LURAP1L: variants seen among roughly 807,000 people sequenced by gnomAD.
LURAP1L encodes leucine rich adaptor protein 1-like.
Under a neutral mutation model 13.8 loss-of-function variants are expected in LURAP1L, and 12 were observed. The observed-to-expected ratio is 0.87, with a 90% CI of 0.56 to 1.41. LURAP1L has a LOEUF of 1.41. LURAP1L is among the 40% of genes most tolerant of loss of function. LURAP1L has a pLI of 0.00. For missense variants in LURAP1L, 375 were observed against 292.9 expected (o/e 1.28, Z -2.04); for synonymous variants, 139 against 119.2 (o/e 1.17, Z -1.08).
At chr9:12,816,599 C>G (rs961953249) in intron 1 of LURAP1L, among the ~76,000 whole-genome samples, 1 of 152,034 alleles carries the variant, frequency 6.6e-6, no homozygotes, top group Non-Finnish European at 1.5e-5. Flanking sequence ...AAATGGCACT[C>G]TAGAAGAAAA....
chr9:12,803,275 A>G (rs1336077806), intron 1 of LURAP1L, among the ~76,000 whole-genome samples: 1 of 152,214 alleles, frequency 6.6e-6, no homozygotes, highest in African/African-American at 2.4e-5. Context: ...GTATCAGAGA[A>G]CCAAGACATT....
At chr9:12,778,481 T>G (rs961613818) in intron 1 of LURAP1L, among the ~76,000 whole-genome samples, 1 of 152,132 alleles carries the variant, frequency 6.6e-6, no homozygotes, top group African/African-American at 2.4e-5. Flanking sequence ...TCAAAAACAG[T>G]AAGGATGCTG....
At position 12,821,530 on chromosome 9, in the gene LURAP1L, T is replaced by A; in HGVS notation, c.457T>A (p.Leu153Met). 1.2e-6 allele frequency: 2 copies of A among 1,614,170 alleles called. No individual in the cohort carries two copies. Among genetic ancestry groups the A allele is most frequent in the African/African-American group, 1.3e-5 (1 of 75,038 alleles). ...CCTCAGTGGCAGCCTGTGCAGTTTG[T>A]TGGAGAGTCAGAGCACCTCCTTACG... ...SSLSGSLCSL[L>M]ESQSTSLRGS... Residue 153 changes from leucine (L) to methionine (M), a missense_variant, in exon 2 of 2, where the codon TTG (leucine) becomes ATG (methionine). Leu to Met is a conservative substitution (Grantham distance 15, BLOSUM62 2). Transcript: ENST00000319264.
intron 1 of LURAP1L, chr9:12,777,527 T>C (rs2118451121): frequency 1.0e-6 from 1 of 981,276 alleles, no homozygotes; most frequent in East Asian, 1.1e-4. Context: ...ATTTTACCCA[T>C]GGAATGTTAA....
intron 1 of LURAP1L, among the ~76,000 whole-genome samples, chr9:12,801,160 A>T (rs555539817): frequency 6.6e-6 from 1 of 152,266 alleles, no homozygotes; most frequent in Admixed American, 6.5e-5. Context: ...TAAGCAGAGA[A>T]TGTGGCCTCT....
At chr9:12,817,877 C>G (rs1025021507) in intron 1 of LURAP1L, among the ~76,000 whole-genome samples, 1 of 152,156 alleles carries the variant, frequency 6.6e-6, no homozygotes, top group Non-Finnish European at 1.5e-5. Context: ...TTGGAGAAAG[C>G]AGAGTGCAGC....
chr9:12,794,464 T>G (rs1296930812), intron 1 of LURAP1L, among the ~76,000 whole-genome samples: 1 of 152,054 alleles, frequency 6.6e-6, no homozygotes, highest in Admixed American at 6.6e-5. Flanking sequence ...AAACAAAACT[T>G]GGAGTTACTC....
intron 1 of LURAP1L, among the ~76,000 whole-genome samples, chr9:12,795,004 G>T (rs759099292): frequency 2.6e-5 from 4 of 151,910 alleles, no homozygotes; most frequent in Non-Finnish European, 5.9e-5. Flanking sequence ...TTTAATCTCA[G>T]AGGTCCCATG....
chr9:12,793,778 T>G (rs1031580341), intron 1 of LURAP1L, among the ~76,000 whole-genome samples: 1 of 152,014 alleles, frequency 6.6e-6, no homozygotes, highest in African/African-American at 2.4e-5. Context: ...TAGCTTTACT[T>G]AGTACCAAAG....
chr9:12,775,618 C>A lies in LURAP1L; in HGVS notation c.-98C>A, dbSNP rs917449722. On this transcript the variant is annotated 5_prime_UTR_variant, in exon 1 of 2. Coordinates refer to ENST00000319264, the MANE Select transcript of LURAP1L (RefSeq NM_203403.2). Reference sequence around the variant, plus strand: ...GAGCGGCGGAGGATAGAGACCCTGGCCCCCGGAGAGGTCTGCTGATTTCGC... The same window carrying A: ...GAGCGGCGGAGGATAGAGACCCTGGACCCCGGAGAGGTCTGCTGATTTCGC... 19 of 1,471,626 alleles carry A rather than the reference C, an allele frequency of 1.3e-5. No individual in the cohort carries two copies. In the East Asian group the frequency reaches 4.0e-4, roughly 31 times the overall value. 91.2% of individuals were successfully genotyped at this position (1,471,626 alleles called of 1,614,324 possible).
chr9:12,786,547 C>CATATATATATAT (rs67654649), intron 1 of LURAP1L, among the ~76,000 whole-genome samples: 5,067 of 52,576 alleles, frequency 0.096, 585 homozygotes, highest in African/African-American at 0.13. Context: ...ATATATATGA[C>CATATATATATAT]ATATATATAT....
intron 1 of LURAP1L, among the ~76,000 whole-genome samples, chr9:12,782,700 C>G (rs1436891080): frequency 1.3e-5 from 2 of 152,054 alleles, no homozygotes; most frequent in African/African-American, 4.8e-5. Flanking sequence ...TTTGGCTATT[C>G]AGGTTCTTTT....
chr9:12,788,991 C>T (rs528247709), intron 1 of LURAP1L, among the ~76,000 whole-genome samples: 11 of 150,570 alleles, frequency 7.3e-5, no homozygotes, highest in African/African-American at 2.4e-4. Context: ...CTCTGGAGCC[C>T]AGTAGTCCAA....
intron 1 of LURAP1L, among the ~76,000 whole-genome samples, chr9:12,820,488 T>C (rs1469831243): frequency 9.2e-6 from 1 of 108,160 alleles, no homozygotes; most frequent in Non-Finnish European, 1.7e-5. Context: ...GGACGACAGA[T>C]CGAGACTCCG....
In LURAP1L at chr9:12,793,118, T is replaced by C. The variant is rs111703172; in HGVS notation, c.312+17091T>C. Among the ~76,000 whole-genome samples the C allele has an allele frequency of 4.5e-3, 679 of 152,166 alleles. 11 individuals are homozygous for C. Among genetic ancestry groups the C allele is most frequent in the African/African-American group, 0.016 (656 of 41,564 alleles). ...GTCACCTTAGTAGGGGTCAAACTTATAATGATTTAGAAGTAGATCTTGAAA... is the reference window on the plus strand; with the variant it reads ...GTCACCTTAGTAGGGGTCAAACTTACAATGATTTAGAAGTAGATCTTGAAA... On this transcript the variant is annotated intron_variant, in intron 1 of 1. Coordinates refer to ENST00000319264, the MANE Select transcript of LURAP1L (RefSeq NM_203403.2).
rs12554435 is a variant in LURAP1L, at chr9:12,818,766, C to T, written c.313-2620C>T. 4.6e-3 allele frequency among the ~76,000 whole-genome samples: 696 copies of T among 152,228 alleles called. 26 individuals carry two copies. Among genetic ancestry groups the T allele is most frequent in the Admixed American group, 0.042 (649 of 15,276 alleles). On this transcript the variant is annotated intron_variant, in intron 1 of 1. Coordinates refer to ENST00000319264, the MANE Select transcript of LURAP1L (RefSeq NM_203403.2). ...GCCCAGAGCTGGGAATGGGCTGGAA[C>T]ATTTTCATGGGAGAGGGTGGAGATG...
chr9:12,807,840 T>C (rs144132724), intron 1 of LURAP1L, among the ~76,000 whole-genome samples: 169 of 152,300 alleles, frequency 1.1e-3, no homozygotes, highest in East Asian at 2.1e-3. Flanking sequence ...TTCTACTTTT[T>C]CTTCTCTTGG....
In LURAP1L at chr9:12,803,011, A is replaced by G. The variant is rs567074917; in HGVS notation, c.313-18375A>G. Among the ~76,000 whole-genome samples, 63 of 152,270 alleles carry G rather than the reference A, an allele frequency of 4.1e-4. 1 individual carries two copies. The highest frequency in any genetic ancestry group is 1.4e-3 in the African/African-American group (59 of 41,566). On this transcript the variant is annotated intron_variant, in intron 1 of 1. Coordinates refer to ENST00000319264, the MANE Select transcript of LURAP1L (RefSeq NM_203403.2). ...TTCTTTTCCTAAGAAAAATGAATCC[A>G]TACTTACTCTCTGCTGCATTACCAC... is the stretch of plus-strand genomic sequence containing the variant.
At chr9:12,808,458 T>C (rs950067513) in intron 1 of LURAP1L, among the ~76,000 whole-genome samples, 18 of 152,140 alleles carry the variant, frequency 1.2e-4, no homozygotes, top group African/African-American at 4.3e-4. Context: ...ACTTTTTTAT[T>C]TTTCCCAAAC....
Sources: allele counts gnomAD v4.1 joint callset (sites outside exome capture counted in the v4.1 genomes callset), GRCh38; gene constraint gnomAD v4.1.1; transcripts MANE v1.5; gene names NCBI Gene and HGNC (gene_info 2026-07-23, HGNC 2026-07-21).